Variants in ESPL1 observed in about 807,000 individuals in gnomAD.
ESPL1 encodes the protein extra spindle pole bodies like 1, separase.
A neutral mutation model predicts 217.2 loss-of-function variants in ESPL1; 50 were observed. That is an observed-to-expected ratio of 0.23 (90% CI 0.18 to 0.29). ESPL1 has a LOEUF of 0.29. Ranked by LOEUF, ESPL1 falls within the 10% of genes least tolerant of loss-of-function variation. The pLI is 1.00. For synonymous variants in ESPL1, 994 were observed against 1,081.3 expected, an observed-to-expected ratio of 0.92 and a Z score of 1.58; for missense variants, 1,834 against 2,603.0, an observed-to-expected ratio of 0.70 and a Z score of 6.43.
intron 17 of ESPL1, among the ~76,000 whole-genome samples, chr12:53,285,697 A>T (rs1818065563): frequency 6.6e-6 from 1 of 151,844 alleles, no homozygotes; most frequent in African/African-American, 2.4e-5. Context: ...CGACAGAGAG[A>T]GACTCCATCT....
In ESPL1 at chr12:53,286,292, G is replaced by T; in HGVS notation, c.3556G>T (p.Val1186Phe). 1 of 1,614,190 alleles carries T rather than the reference G, an allele frequency of 6.2e-7. No homozygotes were observed. The highest frequency in any genetic ancestry group is 8.5e-7 in the Non-Finnish European group (1 of 1,180,044). Reference sequence around the variant, plus strand: ...AGCCCAGGGTCTGGATCTGCTGCAGGTCGTGCTGAAGGGCTGTCCTGAAGC... The same window carrying T: ...AGCCCAGGGTCTGGATCTGCTGCAGTTCGTGCTGAAGGGCTGTCCTGAAGC... ...HQAQGLDLLQ[V>F]VLKGCPEAAE... The change falls in exon 18 of 31, where the codon GTC (valine) becomes TTC (phenylalanine). Residue 1186 changes from valine (V) to phenylalanine (F), a missense_variant. Physicochemically the swap from Val to Phe is conservative, Grantham distance 50. This residue lies in a region of ESPL1 where 681 missense variants were observed against 808.0 expected (regional missense o/e 0.84). Transcript: ENST00000257934. The surrounding 1 kb of genome is among the most constrained non-coding windows in gnomAD (Gnocchi z 5.3).
chr12:53,287,327 C>A (rs944381820), intron 18 of ESPL1: 13 of 158,418 alleles, frequency 8.2e-5, no homozygotes, highest in Admixed American at 8.2e-4. Context: ...CCGCCTCGGC[C>A]TCCCAAAGTG....
chr12:53,282,573 A>T lies in ESPL1; in HGVS notation c.2791+138A>T. ...AGAACCTGCACAGAGTAGGCCTGGG[A>T]TAGCAGATGGGTTTCAGTTTGCCTG... On this transcript the variant is annotated intron_variant, in intron 14 of 30. Coordinates refer to ENST00000257934, the MANE Select transcript of ESPL1 (RefSeq NM_012291.5). This position sits in a 1 kb window ranked among gnomAD's most constrained non-coding sequence, Gnocchi z 4.0. 2 of 729,768 alleles carry T rather than the reference A, an allele frequency of 2.7e-6. No homozygotes were observed. The highest frequency in any genetic ancestry group is 3.7e-5 in the South Asian group (2 of 54,258). 45.2% of individuals were successfully genotyped at this position (729,768 alleles called of 1,614,324 possible).
At chr12:53,277,717 G>T in intron 10 of ESPL1, 104 bp from the exon 11 acceptor site, 1 of 1,568,816 alleles carries the variant, frequency 6.4e-7, no homozygotes, top group Non-Finnish European at 8.7e-7. Context: ...GGTTGTGGAA[G>T]CAGTGGGAGG....
At chr12:53,284,279 A>C in intron 17 of ESPL1, 112 bp downstream of exon 17, 1 of 721,700 alleles carries the variant, frequency 1.4e-6, no homozygotes. Flanking sequence ...ACAGAGTCTC[A>C]CTTTATTACC....
chr12:53,268,454 C>A, intron 1 of ESPL1, 77 bp downstream of exon 1: 1 of 343,370 alleles, frequency 2.9e-6, no homozygotes, highest in Non-Finnish European at 5.4e-6. Context: ...CGAGGAGAGG[C>A]GTGGGTGGCT....
chr12:53,291,916 C>A, intron 26 of ESPL1, 56 bp downstream of exon 26: 1 of 1,597,174 alleles, frequency 6.3e-7, no homozygotes. Context: ...CCAACTCATC[C>A]CCATGCCCCT....
At chr12:53,274,600 G>T in intron 6 of ESPL1, 1 of 498,878 alleles carries the variant, frequency 2.0e-6, no homozygotes, top group Non-Finnish European at 3.6e-6. Context: ...TGTGGATGAT[G>T]AACATAGGGG....
At position 53,289,489 on chromosome 12, in the gene ESPL1, C is replaced by G; in HGVS notation, c.5008C>G (p.Leu1670Val). ...SLQEMPGDVP[L>V]ARIQRLFSFR... ...TCAGGAGATGCCTGGAGATGTCCCC[C>G]TGGCCCGCATCCAGCGCCTCTTTTC... The change falls in exon 22 of 31, where the codon CTG becomes GTG. Residue 1670 changes from leucine (L) to valine (V), a missense_variant. Leu to Val is a conservative substitution (Grantham distance 32). Coordinates refer to ENST00000257934, the MANE Select transcript of ESPL1 (RefSeq NM_012291.5). 1.2e-6 allele frequency: 2 copies of G among 1,614,208 alleles called. No individual in the cohort carries two copies. Among genetic ancestry groups the G allele is most frequent in the South Asian group, 2.2e-5 (2 of 91,086 alleles).
At chr12:53,278,426 A>G (rs1435249501) in intron 11 of ESPL1, among the ~76,000 whole-genome samples, 2 of 151,630 alleles carry the variant, frequency 1.3e-5, no homozygotes, top group Non-Finnish European at 2.9e-5. Flanking sequence ...CAGTGAGCCA[A>G]GATCGCGCCA....
intron 25 of ESPL1, among the ~76,000 whole-genome samples, 162 bp downstream of exon 25, chr12:53,291,158 T>C (rs1477305874): frequency 6.6e-6 from 1 of 151,476 alleles, no homozygotes; most frequent in Admixed American, 6.6e-5. Context: ...AAAAATTAGC[T>C]GGGCATGGTG....
chr12:53,293,041 G>C lies in ESPL1; in HGVS notation c.6161+71G>C. ...GCCCTCACCCCAGGTTCTTTCCCAG[G>C]TCTGAATCTTGCCTCTCTTGTGCCC... On this transcript the variant is annotated intron_variant, in intron 30 of 30. Coordinates refer to ENST00000257934, the MANE Select transcript of ESPL1 (RefSeq NM_012291.5). This position sits in a 1 kb window ranked among gnomAD's most constrained non-coding sequence, Gnocchi z 4.2. 1 of 1,464,670 alleles carries C rather than the reference G, an allele frequency of 6.8e-7. No individual in the cohort carries two copies. Among genetic ancestry groups the C allele is most frequent in the Non-Finnish European group, 9.3e-7 (1 of 1,073,590 alleles). The allele number at this position is 1,464,670 out of a possible 1,614,324, so 90.7% of individuals were successfully genotyped here.
In ESPL1 at chr12:53,276,658, C is replaced by T. The variant is rs867325327; in HGVS notation, c.1739C>T (p.Thr580Ile). Reference sequence around the variant, plus strand: ...AGCCTCAGTGGCTGGGACCCGGAGACCCTGGCCCTCCTGCTGAGGGAGGAG... The same window carrying T: ...AGCCTCAGTGGCTGGGACCCGGAGATCCTGGCCCTCCTGCTGAGGGAGGAG... ...RDSLSGWDPE[T>I]LALLLREELQ... Residue 580 changes from threonine to isoleucine, a missense_variant, in exon 8 of 31, where the codon ACC (threonine) becomes ATC (isoleucine). Physicochemically the swap from Thr to Ile is moderately conservative, Grantham distance 89 (BLOSUM62 -1). This residue lies in a region of ESPL1 where 746 missense variants were observed against 1,077.0 expected (regional missense o/e 0.69). Coordinates refer to ENST00000257934, the MANE Select transcript of ESPL1 (RefSeq NM_012291.5). The T allele has an allele frequency of 6.2e-7, 1 of 1,612,798 alleles. No individual in the cohort carries two copies. The highest frequency in any genetic ancestry group is 8.5e-7 in the Non-Finnish European group (1 of 1,179,840).
In ESPL1 at chr12:53,269,003, C is replaced by T. The variant is rs1340835227; in HGVS notation, c.82-21C>T. 2.5e-6 allele frequency: 4 copies of T among 1,592,058 alleles called. No homozygotes were observed. Among genetic ancestry groups the T allele is most frequent in the Non-Finnish European group, 2.6e-6 (3 of 1,162,862 alleles). ...CTTTCCTGCCTTTGCTAGCCCCATT[C>T]ATATCTTTCTCTACTCCTAGGAGTT... On this transcript the variant is annotated intron_variant, in intron 2 of 30. Coordinates refer to ENST00000257934, the MANE Select transcript of ESPL1 (RefSeq NM_012291.5). The surrounding 1 kb of genome is among the most constrained non-coding windows in gnomAD (Gnocchi z 6.7).
intron 7 of ESPL1, 34 bp from the exon 8 acceptor site, chr12:53,276,586 G>T: frequency 1.3e-6 from 2 of 1,564,150 alleles, no homozygotes; most frequent in South Asian, 1.2e-5. Context: ...TGCCTCCTGG[G>T]TTCCACCCTG....
intron 25 of ESPL1, among the ~76,000 whole-genome samples, chr12:53,291,308 AAAG>A (rs1944055540): frequency 6.7e-6 from 1 of 148,772 alleles, no homozygotes; most frequent in African/African-American, 2.5e-5. Flanking sequence ...AAAAAAAAAA[AAAG>A]GATAGGCCCC....
chr12:53,286,215 G>A lies in ESPL1; in HGVS notation c.3479G>A (p.Cys1160Tyr). Residue 1160 changes from cysteine (C) to tyrosine (Y), a missense_variant, in exon 18 of 31, where the codon TGT becomes TAT. Physicochemically the swap from Cys to Tyr is radical, Grantham distance 194. Coordinates refer to ENST00000257934, the MANE Select transcript of ESPL1 (RefSeq NM_012291.5). This position sits in a 1 kb window ranked among gnomAD's most constrained non-coding sequence, Gnocchi z 5.3. ...GCCAGCCCTGTCCTCACAGCAGTCT[G>A]TCTGCGCTGGGTATTGGTCACGGCA... The part of the protein sequence containing the change: ...LCASPVLTAV[C>Y]LRWVLVTAGV... 1.9e-6 allele frequency: 3 copies of A among 1,614,264 alleles called. No homozygotes were observed. The highest frequency in any genetic ancestry group is 1.1e-5 in the South Asian group (1 of 91,088).
Position 53,284,065 on chromosome 12 carries a change from C to T in ESPL1, c.3085C>T (p.Leu1029=), listed in dbSNP as rs770000646. 15 of 1,610,498 alleles carry T rather than the reference C, an allele frequency of 9.3e-6. No individual in the cohort carries two copies. Among genetic ancestry groups the T allele is most frequent in the South Asian group, 4.4e-5 (4 of 91,006 alleles). The change falls in exon 17 of 31, where the codon CTG becomes TTG. Residue 1029 remains leucine, a synonymous_variant. Coordinates refer to ENST00000257934, the MANE Select transcript of ESPL1 (RefSeq NM_012291.5). ...TKLQIPRQCA[L]FLVLKGELEL... is the part of the protein sequence containing the mutation. ...CTCTCCTCTCTCAACAAGGTGTGCC[C>T]TGTTCCTGGTGCTGAAGGGCGAGCT... is the stretch of plus-strand genomic sequence containing the variant.
rs537354911 is a variant in ESPL1, at chr12:53,273,925, G to A, written c.1507-892G>A. ...GGCTGGAGTGCAGTGGCACGATCTC[G>A]GCTCACTGCAACCTCCACCTCCTGG... is the stretch of plus-strand genomic sequence containing the variant. On this transcript the variant is annotated intron_variant, in intron 6 of 30. Transcript: ENST00000257934. 3.3e-5 allele frequency among the ~76,000 whole-genome samples: 4 copies of A among 121,796 alleles called. No individual in the cohort carries two copies. The Admixed American group carries it at 4.0e-4, about 12-fold the overall frequency. The allele number at this position is 121,796 out of a possible 152,430, so 79.9% of individuals were successfully genotyped here.
Sources: allele counts gnomAD v4.1 joint callset (sites outside exome capture counted in the v4.1 genomes callset), GRCh38; gene constraint gnomAD v4.1.1; regional missense constraint gnomAD v4.1.1; non-coding constraint Gnocchi (gnomAD v3.1); transcripts MANE v1.5; gene names NCBI Gene and HGNC (gene_info 2026-07-23, HGNC 2026-07-21).